Variants in SOX6 observed in about 807,000 individuals in gnomAD.
The protein encoded by SOX6 is SRY-box transcription factor 6.
A neutral mutation model predicts 97.8 loss-of-function variants in SOX6; 11 were observed. The observed-to-expected ratio is 0.11, with a 90% CI of 0.07 to 0.19. The LOEUF (loss-of-function observed/expected upper bound fraction) is 0.19, where lower values mean the gene tolerates loss of function less well. Among genes scored for constraint, SOX6 ranks in the 10% least tolerant of loss-of-function variants. SOX6 has a pLI of 1.00. For synonymous variants in SOX6, 360 were observed against 371.4 expected, an observed-to-expected ratio of 0.97 and a Z score of 0.35; for missense variants, 810 against 1,039.5, an observed-to-expected ratio of 0.78 and a Z score of 3.04.
intron 1 of SOX6, among the ~76,000 whole-genome samples, chr11:16,411,732 A>C (rs181884690): frequency 6.6e-6 from 1 of 152,326 alleles, no homozygotes; most frequent in East Asian, 1.9e-4. Context: ...TACCAAAGTC[A>C]AGCAGAATTT....
At chr11:16,132,409 G>GAAA (rs1220417609) in intron 6 of SOX6, among the ~76,000 whole-genome samples, 122 of 64,444 alleles carry the variant, frequency 1.9e-3, no homozygotes, top group East Asian at 3.4e-3. Context: ...AAAAAAGAAA[G>GAAA]AAAGAAAGAA....
At chr11:16,048,674 A>G (rs535355003) in intron 11 of SOX6, among the ~76,000 whole-genome samples, 3 of 152,292 alleles carry the variant, frequency 2.0e-5, no homozygotes, top group African/African-American at 7.2e-5. Context: ...TAAGCTGTTA[A>G]TGGCTATTCT....
rs1858995806 is a variant in SOX6 at position 16,420,047 on chromosome 11, A to G, written c.-5+56268T>C. ...TAACATTAATTGGAAAATATATTCT[A>G]TCTTGAATAATGTTCAAGTAATTGA... is the stretch of plus-strand genomic sequence containing the variant. On this transcript the variant is annotated intron_variant, in intron 1 of 15. Transcript: ENST00000396356. Among the ~76,000 whole-genome samples, 2 of 152,230 alleles carry G rather than the reference A, an allele frequency of 1.3e-5. 1 individual carries two copies. Among genetic ancestry groups the G allele is most frequent in the South Asian group, 4.1e-4 (2 of 4,832 alleles).
chr11:16,587,459 A>C (rs1241543437), intron 4 of SOX6, among the ~76,000 whole-genome samples: 2 of 152,334 alleles, frequency 1.3e-5, no homozygotes, highest in East Asian at 3.9e-4. Context: ...AACCTCTCAA[A>C]AAATAGTATA....
At chr11:16,339,167 T>G (rs546480882) in intron 2 of SOX6, among the ~76,000 whole-genome samples, 8 of 152,026 alleles carry the variant, frequency 5.3e-5, no homozygotes, top group Non-Finnish European at 1.2e-4. Context: ...CTTCTTTCAC[T>G]CTTGTCTCTC....
At chr11:16,063,548 A>G (rs1463770504) in intron 9 of SOX6, among the ~76,000 whole-genome samples, 1 of 72,346 alleles carries the variant, frequency 1.4e-5, no homozygotes, top group Non-Finnish European at 2.7e-5. Context: ...ATATATATAT[A>G]TATATACCTG....
chr11:16,513,904 A>G (rs1344642782), intron 4 of SOX6, among the ~76,000 whole-genome samples: 1 of 152,096 alleles, frequency 6.6e-6, no homozygotes, highest in Non-Finnish European at 1.5e-5. Context: ...TTAATGTAAA[A>G]GCAAAAATCC....
intron 4 of SOX6, among the ~76,000 whole-genome samples, chr11:16,574,470 A>G (rs1467721081): frequency 6.6e-6 from 1 of 152,162 alleles, no homozygotes; most frequent in Non-Finnish European, 1.5e-5. Flanking sequence ...TTTAGACAGT[A>G]TACCAAAACA....
intron 6 of SOX6, among the ~76,000 whole-genome samples, chr11:16,152,826 C>A (rs1850492648): frequency 6.6e-6 from 1 of 152,052 alleles, no homozygotes; most frequent in South Asian, 2.1e-4. Context: ...GCCTCAGCCT[C>A]CCGAGTAGCT....
At chr11:16,134,689 T>G (rs1177020086) in intron 6 of SOX6, among the ~76,000 whole-genome samples, 1 of 152,204 alleles carries the variant, frequency 6.6e-6, no homozygotes, top group Non-Finnish European at 1.5e-5. Context: ...GTAGTTGTTT[T>G]GGGACACCAT....
chr11:16,522,505 A>T (rs1434615918), intron 4 of SOX6, among the ~76,000 whole-genome samples: 1 of 152,186 alleles, frequency 6.6e-6, no homozygotes, highest in Non-Finnish European at 1.5e-5. Context: ...AGGAACAACC[A>T]GTACCAGCCA....
rs1436475656 is a variant in SOX6, at chr11:15,971,812, A to C, written c.*997T>G. ...CAAGAATTATTAAATTAATGCCACCAACAATTGAAAAAAAATAAATAGCAA... is the reference window on the plus strand; with the variant it reads ...CAAGAATTATTAAATTAATGCCACCCACAATTGAAAAAAAATAAATAGCAA... On this transcript the variant is annotated 3_prime_UTR_variant, in exon 16 of 16. Transcript: ENST00000683767. The C allele has an allele frequency of 6.6e-6, 1 of 152,586 alleles. No individual in the cohort carries two copies. Among genetic ancestry groups the C allele is most frequent in the African/African-American group, 2.4e-5 (1 of 41,416 alleles). The allele number at this position is 152,586 out of a possible 1,614,324, so 9.5% of individuals were successfully genotyped here.
chr11:16,055,660 C>A (rs1847796144), intron 10 of SOX6, 92 bp downstream of exon 10: 1 of 1,507,544 alleles, frequency 6.6e-7, no homozygotes, highest in African/African-American at 1.4e-5. Context: ...TGCTATGTTT[C>A]CTGCTGTTTA....
intron 4 of SOX6, among the ~76,000 whole-genome samples, chr11:16,536,245 T>C (rs1224015162): frequency 6.6e-6 from 1 of 152,258 alleles, no homozygotes; most frequent in African/African-American, 2.4e-5. Context: ...CACATTTGAA[T>C]GTACCATTTC....
chr11:16,391,208 G>A (rs963560997), intron 1 of SOX6, among the ~76,000 whole-genome samples: 1 of 152,156 alleles, frequency 6.6e-6, no homozygotes, highest in Non-Finnish European at 1.5e-5. Context: ...GGCTAGGGGA[G>A]GGATAACATT....
At chr11:16,465,965 A>G (rs1203487761) in intron 1 of SOX6, 1 of 152,236 alleles carries the variant, frequency 6.6e-6, no homozygotes, top group Non-Finnish European at 1.5e-5. Context: ...CCAAGCCTAT[A>G]GTGCTAAGCA....
chr11:16,402,596 G>T, intron 1 of SOX6: 1 of 1,492,234 alleles, frequency 6.7e-7, no homozygotes, highest in Non-Finnish European at 9.3e-7. Flanking sequence ...ATATCGCTTT[G>T]TTTAATGAAA....
intron 1 of SOX6, among the ~76,000 whole-genome samples, chr11:16,436,214 A>G (rs191254909): frequency 1.3e-5 from 2 of 152,108 alleles, no homozygotes; most frequent in African/African-American, 4.8e-5. Flanking sequence ...AATAAAAATT[A>G]AAAAAATAGT....
chr11:16,491,431 A>G (rs1860508660), intron 4 of SOX6, among the ~76,000 whole-genome samples: 1 of 152,174 alleles, frequency 6.6e-6, no homozygotes. Context: ...ACTCAAAATT[A>G]TAAAGAAGTC....
Sources: allele counts gnomAD v4.1 joint callset (sites outside exome capture counted in the v4.1 genomes callset), GRCh38; gene constraint gnomAD v4.1.1; transcripts MANE v1.5; gene names NCBI Gene and HGNC (gene_info 2026-07-23, HGNC 2026-07-21).